Variants in ALOX5 observed in about 807,000 individuals in gnomAD.
ALOX5 encodes arachidonate 5-lipoxygenase, also known as polyunsaturated fatty acid 5-lipoxygenase.
ALOX5 carries 64 observed loss-of-function variants against 87.9 expected under a neutral mutation model. That is an observed-to-expected ratio of 0.73 (90% CI 0.60 to 0.90). ALOX5 has a LOEUF of 0.90. Among genes scored for constraint, ALOX5 ranks in the 40% least tolerant of loss-of-function variants. ALOX5 has a pLI of 0.00. For missense variants in ALOX5, 822 were observed against 907.5 expected (o/e 0.91, Z 1.21); for synonymous variants, 388 against 355.1 (o/e 1.09, Z -1.04).
intron 4 of ALOX5, among the ~76,000 whole-genome samples, chr10:45,416,904 A>T (rs559962281): frequency 6.6e-6 from 1 of 151,716 alleles, no homozygotes; most frequent in South Asian, 2.1e-4. Context: ...TGGATGGTGG[A>T]TGGATGGAAG....
chr10:45,382,252 T>TA (rs1839856114), intron 1 of ALOX5, among the ~76,000 whole-genome samples: 1 of 152,260 alleles, frequency 6.6e-6, no homozygotes, highest in Admixed American at 6.5e-5. Context: ...AAAAGAGTGT[T>TA]ACTTTCCTTT....
chr10:45,410,445 G>A lies in ALOX5; in HGVS notation c.432-1746G>A, dbSNP rs1258505351. Among the ~76,000 whole-genome samples, 4 of 152,166 alleles carry A rather than the reference G, an allele frequency of 2.6e-5. No homozygotes were observed. The South Asian group carries it at 6.2e-4, about 24-fold the overall frequency. On this transcript the variant is annotated intron_variant, in intron 3 of 13. Transcript: ENST00000374391. ...TCTAAATAAACCAACAGTGAGAAAT[G>A]TAAGGTGCCACATAACAGAAAACAC...
intron 3 of ALOX5, among the ~76,000 whole-genome samples, chr10:45,402,019 G>A (rs942618772): frequency 3.4e-5 from 5 of 148,396 alleles, no homozygotes; most frequent in East Asian, 4.0e-4. Context: ...CCTGGGAGGC[G>A]GAGCTTGCAG....
intron 3 of ALOX5, among the ~76,000 whole-genome samples, chr10:45,406,339 C>T (rs147560446): frequency 2.1e-4 from 32 of 152,276 alleles, no homozygotes; most frequent in African/African-American, 6.0e-4. Context: ...TTTTTCTACT[C>T]GAGACCCCAG....
At chr10:45,389,743 C>T (rs189905523) in intron 2 of ALOX5, among the ~76,000 whole-genome samples, 9 of 152,300 alleles carry the variant, frequency 5.9e-5, no homozygotes, top group Admixed American at 1.3e-4. Context: ...AAAAACATGC[C>T]ACATTGTAAA....
At position 45,407,257 on chromosome 10, in the gene ALOX5, C is replaced by G. The variant is rs147859613; in HGVS notation, c.432-4934C>G. The stretch of plus-strand genomic sequence containing the variant: ...TAGTTTGTTTCTTTTCCTAGAGTTT[C>G]TATCTCCCTCCCTCCCCCACTTTCT... On this transcript the variant is annotated intron_variant, in intron 3 of 13. Coordinates refer to ENST00000374391, the MANE Select transcript of ALOX5 (RefSeq NM_000698.5). Among the ~76,000 whole-genome samples the G allele has an allele frequency of 1.4e-4, 22 of 152,336 alleles. No homozygotes were observed. In the East Asian group the frequency reaches 4.2e-3, roughly 29 times the overall value.
intron 3 of ALOX5, among the ~76,000 whole-genome samples, chr10:45,405,520 T>C (rs1004678443): frequency 2.0e-5 from 3 of 152,202 alleles, no homozygotes; most frequent in African/African-American, 7.2e-5. Flanking sequence ...GTTTGTTACA[T>C]ATGTATAGCA....
At chr10:45,395,757 C>T (rs183181360) in intron 2 of ALOX5, 98 bp from the exon 3 acceptor site, 332 of 1,014,664 alleles carry the variant, frequency 3.3e-4, no homozygotes, top group Admixed American at 2.7e-3. Flanking sequence ...ATAAAGCACT[C>T]GGCATGGGCA....
At chr10:45,402,465 CAG>C (rs1840736660) in intron 3 of ALOX5, among the ~76,000 whole-genome samples, 2 of 152,260 alleles carry the variant, frequency 1.3e-5, no homozygotes, top group African/African-American at 4.8e-5. Context: ...ATCTCGAGGA[CAG>C]GGGCCAGCCA....
At chr10:45,404,373 T>C (rs956694029) in intron 3 of ALOX5, among the ~76,000 whole-genome samples, 2 of 152,204 alleles carry the variant, frequency 1.3e-5, no homozygotes, top group South Asian at 4.1e-4. Flanking sequence ...TTGCAGGCCC[T>C]CCTTACTCAC....
At chr10:45,390,699 G>C (rs912609459) in intron 2 of ALOX5, among the ~76,000 whole-genome samples, 2 of 152,246 alleles carry the variant, frequency 1.3e-5, no homozygotes, top group African/African-American at 2.4e-5. Context: ...GCAGTGTGTA[G>C]AGGGAAATTT....
At chr10:45,376,229 A>G (rs1047160176) in intron 1 of ALOX5, among the ~76,000 whole-genome samples, 5 of 151,784 alleles carry the variant, frequency 3.3e-5, no homozygotes, top group African/African-American at 1.2e-4. Flanking sequence ...CATTCAAATG[A>G]CATTATAATT....
intron 3 of ALOX5, 102 bp downstream of exon 3, chr10:45,396,038 T>G: frequency 8.5e-7 from 1 of 1,174,426 alleles, no homozygotes; most frequent in Non-Finnish European, 1.2e-6. Flanking sequence ...GGCCTGTCAC[T>G]GCTGGAAAGT....
rs56924533 is a variant in ALOX5 at position 45,386,300 on chromosome 10, C to CAAA, written c.349+3633_349+3635dup. The stretch of plus-strand genomic sequence containing the variant: ...TGGGCAACAGAGCAAGACTCTGTCT[C>CAAA]AAAAAAAAAAAAAAAATTAGCCAGG... On this transcript the variant is annotated intron_variant, in intron 2 of 13. Coordinates refer to ENST00000374391, the MANE Select transcript of ALOX5 (RefSeq NM_000698.5). Among the ~76,000 whole-genome samples the CAAA allele has an allele frequency of 4.5e-3, 563 of 124,492 alleles. 5 individuals are homozygous for CAAA. The highest frequency in any genetic ancestry group is 0.014 in the African/African-American group (503 of 35,542). 81.7% of individuals were successfully genotyped at this position (124,492 alleles called of 152,430 possible).
At chr10:45,441,467 G>A (rs1177570555) in intron 9 of ALOX5, 37 bp downstream of exon 9, 10 of 1,589,620 alleles carry the variant, frequency 6.3e-6, no homozygotes, top group South Asian at 1.1e-5. Flanking sequence ...GCCTGGAAGA[G>A]CCCAGCCTGG....
chr10:45,392,768 G>A (rs1307656843), intron 2 of ALOX5, among the ~76,000 whole-genome samples: 1 of 151,770 alleles, frequency 6.6e-6, no homozygotes, highest in Non-Finnish European at 1.5e-5. Context: ...TGATAAAGGG[G>A]ACATCACCAC....
Position 45,445,536 on chromosome 10 carries a change from AT to A in ALOX5, c.1878del (p.Phe626LeufsTer6). ...ELFLGMYPEE[H>X]FIEKPVKEAM... is the part of the protein sequence containing the mutation. ...TTCCTGGGCATGTACCCAGAAGAGC[AT>A]TTTATCGAGAAGCCTGTGAAGGAAG... On this transcript the variant is annotated frameshift_variant, in exon 14 of 14. Coordinates refer to ENST00000374391, the MANE Select transcript of ALOX5 (RefSeq NM_000698.5). LOFTEE classifies it high-confidence loss of function. 6.2e-7 allele frequency: 1 copy of A among 1,614,102 alleles called. No homozygotes were observed. The highest frequency in any genetic ancestry group is 8.5e-7 in the Non-Finnish European group (1 of 1,179,986).
At chr10:45,437,825 C>CT (rs1842103711) in intron 7 of ALOX5, among the ~76,000 whole-genome samples, 3 of 152,226 alleles carry the variant, frequency 2.0e-5, no homozygotes, top group Admixed American at 2.0e-4. Context: ...CAGGGACAAG[C>CT]TGCGTAAGGA....
chr10:45,386,467 TA>T (rs139697576), intron 2 of ALOX5, among the ~76,000 whole-genome samples: 3,373 of 151,222 alleles, frequency 0.022, 123 homozygotes, highest in African/African-American at 0.077. Flanking sequence ...CCCTGTCTCT[TA>T]AAAAAAATAA....
Sources: allele counts gnomAD v4.1 joint callset (sites outside exome capture counted in the v4.1 genomes callset), GRCh38; gene constraint gnomAD v4.1.1; transcripts MANE v1.5; gene names NCBI Gene and HGNC (gene_info 2026-07-23, HGNC 2026-07-21).